PTPRD: variants seen among roughly 807,000 people sequenced by gnomAD.
PTPRD encodes receptor-type tyrosine-protein phosphatase delta.
A neutral mutation model predicts 214.5 loss-of-function variants in PTPRD; 34 were observed. The observed-to-expected ratio is 0.16, with a 90% confidence interval of 0.12 to 0.21. The LOEUF (loss-of-function observed/expected upper bound fraction) is 0.21. Among genes scored for constraint, PTPRD ranks in the 10% least tolerant of loss-of-function variants. The pLI is 1.00. For missense variants in PTPRD, 2,545 were observed against 2,398.7 expected (o/e 1.06, Z -1.27); for synonymous variants, 1,128 against 845.7 (o/e 1.33, Z -5.79).
At chr9:9,063,702 T>C (rs966488361) in intron 10 of PTPRD, among the ~76,000 whole-genome samples, 1 of 152,194 alleles carries the variant, frequency 6.6e-6, no homozygotes, top group Non-Finnish European at 1.5e-5. Flanking sequence ...TAGTGTAGCA[T>C]ATGACTAGAT....
intron 14 of PTPRD, among the ~76,000 whole-genome samples, chr9:8,535,437 C>T (rs916445586): frequency 1.3e-5 from 2 of 151,858 alleles, no homozygotes; most frequent in African/African-American, 2.4e-5. Context: ...TTTGATTAAT[C>T]AACAGTACAA....
chr9:9,809,955 C>T (rs1195480071), intron 5 of PTPRD, among the ~76,000 whole-genome samples: 2 of 151,908 alleles, frequency 1.3e-5, no homozygotes, highest in African/African-American at 4.8e-5. Context: ...ACACTTGGCC[C>T]ACATGGGTTT....
Position 10,053,908 on chromosome 9 carries a change from G to A in PTPRD, c.-544-20118C>T, listed in dbSNP as rs1191788516. ...TGAGTAGCGGGGATTACAGGTGTAC[G>A]CCAACACACCCGGCTAATTTTTGTG... On this transcript the variant is annotated intron_variant, in intron 3 of 45. Coordinates refer to ENST00000381196, the MANE Select transcript of PTPRD (RefSeq NM_002839.4). 3.3e-5 allele frequency among the ~76,000 whole-genome samples: 5 copies of A among 152,012 alleles called. No homozygotes were observed. The South Asian group carries it at 6.2e-4, about 19-fold the overall frequency.
chr9:8,967,502 A>T (rs1257473376), intron 11 of PTPRD, among the ~76,000 whole-genome samples: 1 of 152,094 alleles, frequency 6.6e-6, no homozygotes, highest in Non-Finnish European at 1.5e-5. Flanking sequence ...TAAAAAAATA[A>T]AAACCATGTC....
chr9:8,585,250 A>G (rs2093550227), intron 14 of PTPRD, among the ~76,000 whole-genome samples: 1 of 152,210 alleles, frequency 6.6e-6, no homozygotes, highest in Admixed American at 6.5e-5. Flanking sequence ...AAAAAGGGGA[A>G]GAGTAGACAG....
intron 2 of PTPRD, among the ~76,000 whole-genome samples, chr9:10,501,855 G>C (rs1354717790): frequency 2.0e-5 from 3 of 151,804 alleles, no homozygotes; most frequent in Non-Finnish European, 2.9e-5. Flanking sequence ...CTCAATTCTG[G>C]AAGCACATTA....
intron 4 of PTPRD, among the ~76,000 whole-genome samples, chr9:9,955,267 G>C (rs1007409754): frequency 6.6e-6 from 1 of 152,122 alleles, no homozygotes; most frequent in African/African-American, 2.4e-5. Context: ...GTACTAAACG[G>C]TGAAAGTGTA....
chr9:9,243,077 C>T (rs888644291), intron 9 of PTPRD, among the ~76,000 whole-genome samples: 6 of 152,074 alleles, frequency 3.9e-5, no homozygotes, highest in Non-Finnish European at 5.9e-5. Context: ...CCCTCAGCTG[C>T]AGGTCTGTTG....
rs1283234512 is a variant in PTPRD at position 10,456,055 on chromosome 9, A to G, written c.-599-115038T>C. The stretch of plus-strand genomic sequence containing the variant: ...TCAGGCTCACTAGAACCAAGTAGAA[A>G]GAAGTCTTGTAGTCTTTGTCTATTA... On this transcript the variant is annotated intron_variant, in intron 2 of 45. Transcript: ENST00000381196. Among the ~76,000 whole-genome samples the G allele has an allele frequency of 3.3e-5, 5 of 151,868 alleles. No homozygotes were observed. The East Asian group carries it at 9.6e-4, about 29-fold the overall frequency.
intron 9 of PTPRD, among the ~76,000 whole-genome samples, chr9:9,233,855 G>A (rs1393209957): frequency 2.0e-5 from 3 of 152,306 alleles, no homozygotes; most frequent in South Asian, 4.1e-4. Flanking sequence ...TGCCCCTGTG[G>A]CTTTGTAGGG....
chr9:10,521,391 G>T (rs1268468766), intron 2 of PTPRD, among the ~76,000 whole-genome samples: 1 of 152,144 alleles, frequency 6.6e-6, no homozygotes, highest in African/African-American at 2.4e-5. Flanking sequence ...ATGAGCCGAG[G>T]AAGTGGTTTC....
chr9:9,919,391 G>A (rs777712571), intron 5 of PTPRD, among the ~76,000 whole-genome samples: 3 of 152,082 alleles, frequency 2.0e-5, no homozygotes, highest in Non-Finnish European at 2.9e-5. Context: ...AGGAAGGAAT[G>A]TATCTTTCAA....
At chr9:10,288,564 T>C (rs550228322) in intron 3 of PTPRD, among the ~76,000 whole-genome samples, 1 of 152,234 alleles carries the variant, frequency 6.6e-6, no homozygotes, top group African/African-American at 2.4e-5. Flanking sequence ...AAATAAAATA[T>C]GATGCACGCA....
At chr9:9,081,524 A>G (rs987046906) in intron 10 of PTPRD, among the ~76,000 whole-genome samples, 1 of 152,068 alleles carries the variant, frequency 6.6e-6, no homozygotes, top group African/African-American at 2.4e-5. Context: ...CTTCTTCCAG[A>G]GCCGAGTACA....
intron 2 of PTPRD, among the ~76,000 whole-genome samples, chr9:10,349,227 G>C (rs1434990721): frequency 8.3e-6 from 1 of 121,078 alleles, no homozygotes; most frequent in Non-Finnish European, 1.6e-5. Flanking sequence ...TCATCTTTGG[G>C]GAAAGTCATA....
chr9:9,912,676 G>A (rs2079543888), intron 5 of PTPRD, among the ~76,000 whole-genome samples: 1 of 152,226 alleles, frequency 6.6e-6, no homozygotes, highest in Middle Eastern at 3.4e-3. Flanking sequence ...TAGCCAGTAG[G>A]TATTATAATC....
intron 31 of PTPRD, among the ~76,000 whole-genome samples, chr9:8,467,775 A>G (rs1272770241): frequency 6.8e-6 from 1 of 146,302 alleles, no homozygotes; most frequent in Non-Finnish European, 1.5e-5. Flanking sequence ...TTCTTTTCAT[A>G]TGCTAATTAA....
At chr9:9,406,523 A>G (rs541122693) in intron 8 of PTPRD, among the ~76,000 whole-genome samples, 1 of 152,012 alleles carries the variant, frequency 6.6e-6, no homozygotes, top group South Asian at 2.1e-4. Context: ...CATTTACGAT[A>G]TTTACTCATT....
intron 35 of PTPRD, among the ~76,000 whole-genome samples, chr9:8,432,800 G>A (rs910010136): frequency 6.6e-6 from 1 of 152,144 alleles, no homozygotes; most frequent in Non-Finnish European, 1.5e-5. Flanking sequence ...GCACAGTAGA[G>A]TCAATTCATG....
Sources: gnomAD v4.1 joint callset for allele counts (sites outside exome capture counted in the v4.1 genomes callset) on GRCh38, gnomAD v4.1.1 for gene constraint, MANE v1.5 for transcripts, NCBI Gene and HGNC (gene_info 2026-07-23, HGNC 2026-07-21) for gene names.